CYP27C1: variants seen among roughly 807,000 people sequenced by gnomAD.
CYP27C1 encodes cytochrome P450 family 27 subfamily C member 1.
Under a neutral mutation model 40.6 loss-of-function variants are expected in CYP27C1, and 29 were observed. The ratio of observed to expected loss-of-function variants is 0.71; its 90% confidence interval spans 0.53 to 0.97. The LOEUF is 0.97. Ranked by LOEUF, CYP27C1 falls within the 50% of genes least tolerant of loss-of-function variation. The pLI is 0.00. For missense variants in CYP27C1, 390 were observed against 485.8 expected (o/e 0.80, Z 1.85); for synonymous variants, 198 against 186.8 (o/e 1.06, Z -0.49).
In CYP27C1 at chr2:127,201,584, G is replaced by A. The variant is rs557107050; in HGVS notation, c.674-253C>T. ...CACAGATGAAGAAGCCCACTCTCTG[G>A]AGGAAATTCGAAGACTCTGAGAGTT... On this transcript the variant is annotated intron_variant, in intron 3 of 8. Transcript: ENST00000664447. This position sits in a 1 kb window ranked among gnomAD's most constrained non-coding sequence, Gnocchi z 6.0. 4.6e-5 allele frequency among the ~76,000 whole-genome samples: 7 copies of A among 152,284 alleles called. No individual in the cohort carries two copies. In the South Asian group the frequency reaches 1.0e-3, roughly 23 times the overall value.
intron 1 of CYP27C1, among the ~76,000 whole-genome samples, chr2:127,213,555 A>G (rs932601875): frequency 2.0e-5 from 3 of 152,220 alleles, no homozygotes; most frequent in African/African-American, 7.2e-5. Context: ...GACAAAAACA[A>G]GCAATGGGGA....
At chr2:127,189,201 C>T (rs1682707778) in intron 8 of CYP27C1, among the ~76,000 whole-genome samples, 1 of 136,098 alleles carries the variant, frequency 7.3e-6, no homozygotes, top group African/African-American at 2.7e-5. Context: ...ATCCAGTTTC[C>T]AGCTCCCAGG....
Position 127,195,499 on chromosome 2 carries a change from C to T in CYP27C1, c.1050G>A (p.Thr350=), listed in dbSNP as rs746660693. 14 of 1,613,556 alleles carry T rather than the reference C, an allele frequency of 8.7e-6. No individual in the cohort carries two copies. Among genetic ancestry groups the T allele is most frequent in the Admixed American group, 3.3e-5 (2 of 59,968 alleles). The change falls in exon 6 of 9, where the codon ACG becomes ACA. Residue 350 remains threonine, a splice_region_variant and synonymous_variant. Coordinates refer to ENST00000664447, the MANE Select transcript of CYP27C1 (RefSeq NM_001367502.1). The surrounding 1 kb of genome is among the most constrained non-coding windows in gnomAD (Gnocchi z 6.2). ...TEMLLAGVDT[T]SFTLSWTVYL... ...ACACAGTCCAAGACAAGGTGAAGGACGTCTAAGGAGAGAAAGTGGCAGACA... is the reference window on the plus strand; with the variant it reads ...ACACAGTCCAAGACAAGGTGAAGGATGTCTAAGGAGAGAAAGTGGCAGACA...
intron 7 of CYP27C1, among the ~76,000 whole-genome samples, 195 bp downstream of exon 7, chr2:127,193,594 G>A (rs1313265184): frequency 1.3e-5 from 2 of 152,194 alleles, no homozygotes; most frequent in Admixed American, 6.5e-5. Context: ...CTGGTGAGCA[G>A]TAAGTTTCCA....
In CYP27C1 at chr2:127,195,460, C is replaced by G; in HGVS notation, c.1089G>C (p.Arg363Ser). The stretch of plus-strand genomic sequence containing the variant: ...ACACCGTCTGCTGCACTTCTGGGTG[C>G]CTTGCCAGGAGGTACACAGTCCAAG... ...TLSWTVYLLA[R>S]HPEVQQTVYR... The change falls in exon 6 of 9, where the codon AGG becomes AGC. Residue 363 changes from arginine to serine, a missense_variant. Coordinates refer to ENST00000664447, the MANE Select transcript of CYP27C1 (RefSeq NM_001367502.1). The surrounding 1 kb of genome is among the most constrained non-coding windows in gnomAD (Gnocchi z 6.2). The G allele has an allele frequency of 6.2e-7, 1 of 1,614,028 alleles. No individual in the cohort carries two copies. Among genetic ancestry groups the G allele is most frequent in the South Asian group, 1.1e-5 (1 of 91,080 alleles).
chr2:127,215,851 G>C (rs1384109431), intron 1 of CYP27C1, among the ~76,000 whole-genome samples: 1 of 151,830 alleles, frequency 6.6e-6, no homozygotes, highest in East Asian at 1.9e-4. Flanking sequence ...GAGGGAGGGA[G>C]GGAGGAAGGA....
chr2:127,219,113 T>C lies in CYP27C1; in HGVS notation c.282+876A>G, dbSNP rs1451466867. ...CCCGAGCCTCCGAGCCTCCGTCCCC[T>C]CTTCCCCCGCCATTACAAAATACAA... is the stretch of plus-strand genomic sequence containing the variant. On this transcript the variant is annotated intron_variant, in intron 1 of 8. Coordinates refer to ENST00000664447, the MANE Select transcript of CYP27C1 (RefSeq NM_001367502.1). The surrounding 1 kb of genome is among the most constrained non-coding windows in gnomAD (Gnocchi z 8.7). Among the ~76,000 whole-genome samples the C allele has an allele frequency of 2.0e-5, 3 of 151,060 alleles. No individual in the cohort carries two copies. The highest frequency in any genetic ancestry group is 4.9e-5 in the African/African-American group (2 of 40,922).
At chr2:127,202,899 T>C (rs930223391) in intron 3 of CYP27C1, among the ~76,000 whole-genome samples, 1 of 152,174 alleles carries the variant, frequency 6.6e-6, no homozygotes, top group East Asian at 1.9e-4. Flanking sequence ...CCAGGTGCAG[T>C]GGCTCATGCC....
At chr2:127,191,580 A>G (rs933848325) in intron 8 of CYP27C1, among the ~76,000 whole-genome samples, 1 of 152,236 alleles carries the variant, frequency 6.6e-6, no homozygotes, top group African/African-American at 2.4e-5. Context: ...TGCAGGGCTC[A>G]GAAGATGAGA....
intron 2 of CYP27C1, among the ~76,000 whole-genome samples, chr2:127,204,601 G>GAA (rs1491157392): frequency 9.9e-6 from 1 of 100,900 alleles, no homozygotes; most frequent in African/African-American, 4.0e-5. Flanking sequence ...AAGAAAGAAA[G>GAA]AAAGAAAGAA....
At chr2:127,198,211 A>ACACACACACACACACACG (rs1276568709) in intron 5 of CYP27C1, among the ~76,000 whole-genome samples, 19 of 151,362 alleles carry the variant, frequency 1.3e-4, no homozygotes, top group Middle Eastern at 6.8e-3. Context: ...ACACACACAC[A>ACACACACACACACACACG]CACGCACTCA....
At position 127,184,711 on chromosome 2, in the gene CYP27C1, C is replaced by G. The variant is rs983781302; in HGVS notation, c.*2560G>C. The G allele has an allele frequency of 2.6e-5, 4 of 152,340 alleles. No individual in the cohort carries two copies. The highest frequency in any genetic ancestry group is 9.7e-5 in the African/African-American group (4 of 41,418). 9.4% of individuals were successfully genotyped at this position (152,340 alleles called of 1,614,324 possible). On this transcript the variant is annotated 3_prime_UTR_variant, in exon 9 of 9. Coordinates refer to ENST00000664447, the MANE Select transcript of CYP27C1 (RefSeq NM_001367502.1). ...ACAGGCATGAGCCACCTCGCCTGGC[C>G]CCTCCTCTTGTTTTTTGCCTGTCAC...
At chr2:127,216,365 AG>A (rs1683430640) in intron 1 of CYP27C1, among the ~76,000 whole-genome samples, 1 of 152,270 alleles carries the variant, frequency 6.6e-6, no homozygotes, top group African/African-American at 2.4e-5. Flanking sequence ...GTCCATAAAA[AG>A]AATGAGGTAC....
intron 2 of CYP27C1, among the ~76,000 whole-genome samples, chr2:127,204,521 G>A (rs1489726458): frequency 1.0e-4 from 3 of 28,764 alleles, no homozygotes; most frequent in Non-Finnish European, 2.0e-4. Flanking sequence ...AAGAAGGAAA[G>A]AAAGAAAGAA....
intron 3 of CYP27C1, among the ~76,000 whole-genome samples, chr2:127,202,293 T>C (rs773421117): frequency 1.3e-5 from 2 of 152,108 alleles, no homozygotes; most frequent in African/African-American, 2.4e-5. Flanking sequence ...GCCCAGTTAA[T>C]TGTTGTATTT....
chr2:127,199,579 T>C (rs773669527), intron 4 of CYP27C1, 40 bp from the exon 5 acceptor site: 2 of 1,567,948 alleles, frequency 1.3e-6, no homozygotes, highest in Non-Finnish European at 1.7e-6. Context: ...GAGTTTGGGT[T>C]GAGAATCATC....
At chr2:127,203,717 G>T (rs1366823044) in intron 2 of CYP27C1, 146 bp from the exon 3 acceptor site, 3 of 775,504 alleles carry the variant, frequency 3.9e-6, no homozygotes, top group Non-Finnish European at 5.9e-6. Context: ...AAGACTTTTT[G>T]CTGGGGAGAG....
Position 127,201,003 on chromosome 2 carries a change from A to T in CYP27C1, c.883+119T>A. 9.7e-7 allele frequency: 1 copy of T among 1,030,290 alleles called. No individual in the cohort carries two copies. The highest frequency in any genetic ancestry group is 1.4e-6 in the Non-Finnish European group (1 of 697,724). The allele number at this position is 1,030,290 out of a possible 1,614,324, so 63.8% of individuals were successfully genotyped here. ...CCAAAAGTTATGGGTCCAAAAACTA[A>T]CACGTGACTACATCTAGGCATCCTC... On this transcript the variant is annotated intron_variant, in intron 4 of 8. Coordinates refer to ENST00000664447, the MANE Select transcript of CYP27C1 (RefSeq NM_001367502.1). This position sits in a 1 kb window ranked among gnomAD's most constrained non-coding sequence, Gnocchi z 6.0.
intron 1 of CYP27C1, among the ~76,000 whole-genome samples, chr2:127,216,698 C>T (rs1011007130): frequency 2.0e-5 from 3 of 152,108 alleles, no homozygotes; most frequent in Non-Finnish European, 4.4e-5. Context: ...CTGTTACTCC[C>T]TGCATAAAAA....
Sources: allele counts gnomAD v4.1 joint callset (sites outside exome capture counted in the v4.1 genomes callset), GRCh38; gene constraint gnomAD v4.1.1; non-coding constraint Gnocchi (gnomAD v3.1); transcripts MANE v1.5; gene names NCBI Gene and HGNC (gene_info 2026-07-23, HGNC 2026-07-21).